The following CCDC102B variants were observed in gnomAD, a reference collection of about 807,000 sequenced individuals.
The protein encoded by CCDC102B is coiled-coil domain-containing protein 102B.
In CCDC102B, 75 loss-of-function variants were observed where a neutral mutation model predicts 57.4. The ratio of observed to expected loss-of-function variants is 1.31; its 90% CI spans 1.08 to 1.58. The LOEUF is 1.58. Ranked by LOEUF, CCDC102B falls within the 40% of genes most tolerant of loss-of-function variation. CCDC102B has a pLI of 0.00. For synonymous variants in CCDC102B, 206 were observed against 201.9 expected (o/e 1.02, Z -0.17); for missense variants, 636 against 582.6 (o/e 1.09, Z -0.94).
intron 2 of CCDC102B, among the ~76,000 whole-genome samples, chr18:68,732,071 G>A (rs1568221665): frequency 6.7e-6 from 1 of 148,934 alleles, no homozygotes; most frequent in Non-Finnish European, 1.5e-5. Flanking sequence ...CTTTATTCAT[G>A]TTGATATATT....
chr18:68,929,793 G>A (rs920358482), intron 6 of CCDC102B, among the ~76,000 whole-genome samples: 1 of 151,606 alleles, frequency 6.6e-6, no homozygotes, highest in Non-Finnish European at 1.5e-5. Context: ...GCTATAAGAA[G>A]TAAACAAATT....
intron 7 of CCDC102B, among the ~76,000 whole-genome samples, chr18:69,036,478 G>T (rs2052295432): frequency 6.6e-6 from 1 of 152,052 alleles, no homozygotes; most frequent in Admixed American, 6.6e-5. Flanking sequence ...TATTGAATTG[G>T]ATTCATCTGG....
At chr18:68,962,160 A>G (rs544029572) in intron 6 of CCDC102B, among the ~76,000 whole-genome samples, 22 of 152,206 alleles carry the variant, frequency 1.4e-4, no homozygotes, top group Non-Finnish European at 3.1e-4. Flanking sequence ...GTTTCCCTTA[A>G]TTAAGTTACA....
intron 6 of CCDC102B, among the ~76,000 whole-genome samples, chr18:68,900,634 A>T (rs1466383333): frequency 6.6e-6 from 1 of 152,164 alleles, no homozygotes; most frequent in Admixed American, 6.5e-5. Flanking sequence ...ACTGTGTTCA[A>T]AAAGCTCTTG....
chr18:68,876,059 G>A (rs1403666602), intron 5 of CCDC102B, among the ~76,000 whole-genome samples: 1 of 152,160 alleles, frequency 6.6e-6, no homozygotes, highest in Non-Finnish European at 1.5e-5. Context: ...AGAGGAATCA[G>A]ACTATCAGGA....
At chr18:69,032,539 T>C (rs371087524) in intron 7 of CCDC102B, among the ~76,000 whole-genome samples, 1 of 152,306 alleles carries the variant, frequency 6.6e-6, no homozygotes. Context: ...ATAAATAGCA[T>C]GTCCTTAACA....
At chr18:69,017,084 T>C (rs2051689660) in intron 7 of CCDC102B, among the ~76,000 whole-genome samples, 1 of 152,092 alleles carries the variant, frequency 6.6e-6, no homozygotes. Flanking sequence ...TTACTTTTAG[T>C]TCCAGTTTCT....
intron 2 of CCDC102B, among the ~76,000 whole-genome samples, chr18:68,723,657 A>G (rs1013720545): frequency 5.3e-5 from 8 of 152,218 alleles, no homozygotes; most frequent in Admixed American, 1.3e-4. Flanking sequence ...TCTTACATCC[A>G]GGGCACACTG....
chr18:68,787,050 T>G (rs2144649335), intron 2 of CCDC102B, among the ~76,000 whole-genome samples: 1 of 150,792 alleles, frequency 6.6e-6, no homozygotes, highest in East Asian at 1.9e-4. Context: ...GTTGTTGAAT[T>G]TTGTCAAAGG....
intron 2 of CCDC102B, among the ~76,000 whole-genome samples, chr18:68,762,537 T>C (rs547801021): frequency 1.6e-4 from 25 of 152,138 alleles, no homozygotes; most frequent in African/African-American, 7.2e-5. Flanking sequence ...CTTGTTTTTC[T>C]TAATGATGGC....
At position 68,799,104 on chromosome 18, in the gene CCDC102B, G is replaced by C. The variant is rs562359736; in HGVS notation, c.-16+923G>C. Reference sequence around the variant, plus strand: ...GGGAAATGGTGTTATTACAACTTTTGAGTAAATATTCTCTTGTTAGTAAAA... The same window carrying C: ...GGGAAATGGTGTTATTACAACTTTTCAGTAAATATTCTCTTGTTAGTAAAA... On this transcript the variant is annotated intron_variant, in intron 1 of 7. Coordinates refer to ENST00000360242, the MANE Select transcript of CCDC102B (RefSeq NM_024781.3). 3.3e-5 allele frequency among the ~76,000 whole-genome samples: 5 copies of C among 152,010 alleles called. No homozygotes were observed. The South Asian group carries it at 1.0e-3, about 32-fold the overall frequency.
At chr18:69,044,717 T>C (rs2052516687) in intron 7 of CCDC102B, among the ~76,000 whole-genome samples, 1 of 152,172 alleles carries the variant, frequency 6.6e-6, no homozygotes, top group South Asian at 2.1e-4. Context: ...TGTTTACACA[T>C]GCAAACCAAA....
intron 6 of CCDC102B, among the ~76,000 whole-genome samples, chr18:68,933,559 C>T (rs548459819): frequency 6.6e-6 from 1 of 151,806 alleles, no homozygotes; most frequent in African/African-American, 2.4e-5. Context: ...GTTCAAAATA[C>T]TTAATGAGTA....
At chr18:68,848,378 C>A (rs1288482109) in intron 4 of CCDC102B, among the ~76,000 whole-genome samples, 4 of 151,826 alleles carry the variant, frequency 2.6e-5, no homozygotes, top group Non-Finnish European at 4.4e-5. Flanking sequence ...TTGTAGATGC[C>A]TAAAATGTTA....
chr18:69,033,373 C>A (rs2052200027), intron 7 of CCDC102B, among the ~76,000 whole-genome samples: 3 of 152,090 alleles, frequency 2.0e-5, no homozygotes, highest in Admixed American at 2.0e-4. Flanking sequence ...GTGTAACAAT[C>A]ACTACAATCT....
At chr18:68,757,818 C>T (rs1219401447) in intron 2 of CCDC102B, among the ~76,000 whole-genome samples, 2 of 152,144 alleles carry the variant, frequency 1.3e-5, no homozygotes, top group Non-Finnish European at 2.9e-5. Flanking sequence ...AAGGGCTATA[C>T]TTTACCTTAC....
chr18:68,977,569 AC>A (rs1204773850), intron 6 of CCDC102B, among the ~76,000 whole-genome samples: 2 of 151,652 alleles, frequency 1.3e-5, no homozygotes, highest in East Asian at 1.9e-4. Flanking sequence ...AAAAAAAAAA[AC>A]AGGTTGTAAA....
At chr18:69,002,750 A>G (rs149214222) in intron 6 of CCDC102B, among the ~76,000 whole-genome samples, 1 of 152,230 alleles carries the variant, frequency 6.6e-6, no homozygotes, top group Non-Finnish European at 1.5e-5. Context: ...TATTTTTAGA[A>G]ACGACGTATA....
At chr18:68,913,182 C>A (rs1448120073) in intron 6 of CCDC102B, among the ~76,000 whole-genome samples, 1 of 152,080 alleles carries the variant, frequency 6.6e-6, no homozygotes, top group Non-Finnish European at 1.5e-5. Flanking sequence ...CATTTGGCAG[C>A]CTTTCTAATT....
Sources: gnomAD v4.1 joint callset for allele counts (sites outside exome capture counted in the v4.1 genomes callset) on GRCh38, gnomAD v4.1.1 for gene constraint, MANE v1.5 for transcripts, NCBI Gene and HGNC (gene_info 2026-07-23, HGNC 2026-07-21) for gene names.